SKIL: variants seen among roughly 807,000 people sequenced by gnomAD.
The protein encoded by SKIL is ski-like protein.
In SKIL, 20 loss-of-function variants were observed where a neutral mutation model predicts 69.6. The ratio of observed to expected loss-of-function variants is 0.29; its 90% CI spans 0.20 to 0.42. The LOEUF (loss-of-function observed/expected upper bound fraction) is 0.42, where lower values mean the gene tolerates loss of function less well. Ranked by LOEUF, SKIL falls within the 10% of genes least tolerant of loss-of-function variation. SKIL has a pLI of 1.00. For synonymous variants in SKIL, 310 were observed against 279.9 expected, an observed-to-expected ratio of 1.11 and a Z score of -1.08; for missense variants, 745 against 783.1, an observed-to-expected ratio of 0.95 and a Z score of 0.58.
At chr3:170,371,057 A>G (rs1444013771) in intron 2 of SKIL, among the ~76,000 whole-genome samples, 2 of 152,248 alleles carry the variant, frequency 1.3e-5, no homozygotes, top group African/African-American at 4.8e-5. Context: ...ATATAGGCCC[A>G]TTGTAGTAAA....
Position 170,359,793 on chromosome 3 carries a change from G to C in SKIL, c.-539G>C, listed in dbSNP as rs948665232. The C allele has an allele frequency of 6.6e-6, 1 of 152,242 alleles. No individual in the cohort carries two copies. Among genetic ancestry groups the C allele is most frequent in the Admixed American group, 6.6e-5 (1 of 15,264 alleles). The allele number at this position is 152,242 out of a possible 1,614,324, so 9.4% of individuals were successfully genotyped here. On this transcript the variant is annotated 5_prime_UTR_variant, in exon 2 of 7. Transcript: ENST00000259119. ...CTTACTGGTGTGAGGATTTACACAC[G>C]TCTTCAGTTTTTCAGCACAGACCAG...
At position 170,381,347 on chromosome 3, in the gene SKIL, T is replaced by G; in HGVS notation, c.1196+6T>G. The G allele has an allele frequency of 7.3e-7, 1 of 1,378,888 alleles. No individual in the cohort carries two copies. The highest frequency in any genetic ancestry group is 1.0e-6 in the Non-Finnish European group (1 of 965,514). The allele number at this position is 1,378,888 out of a possible 1,614,324, so 85.4% of individuals were successfully genotyped here. A position where few individuals can be genotyped will look rare whatever the true frequency, so the allele number is the denominator to read the frequency against. On this transcript the variant is annotated splice_donor_region_variant and intron_variant, in intron 3 of 6. Transcript: ENST00000259119. The stretch of plus-strand genomic sequence containing the variant: ...CATTCATTTTTACACCCCAGGTGAG[T>G]TGGTATTTATTTGTTCGTTTGTTCA...
At chr3:170,377,674 G>C (rs1737102659) in intron 2 of SKIL, among the ~76,000 whole-genome samples, 1 of 146,464 alleles carries the variant, frequency 6.8e-6, no homozygotes, top group Non-Finnish European at 1.5e-5. Context: ...TCAGCCTCCT[G>C]AGTAGCTGGG....
rs1176484149 is a variant in SKIL at position 170,395,471 on chromosome 3, A to C, written c.*3054A>C. 1 of 152,130 alleles carries C rather than the reference A, an allele frequency of 6.6e-6. No homozygotes were observed. The highest frequency in any genetic ancestry group is 1.5e-5 in the Non-Finnish European group (1 of 67,976). 9.4% of individuals were successfully genotyped at this position (152,130 alleles called of 1,614,324 possible). On this transcript the variant is annotated 3_prime_UTR_variant, in exon 7 of 7. Coordinates refer to ENST00000259119, the MANE Select transcript of SKIL (RefSeq NM_005414.5). ...ATAGCGAATTGTAAAGCAGCTATTA[A>C]AGTAGGTGAAATAAAGTATATATTT...
rs1737332508 is a variant in SKIL, at chr3:170,381,337, C to G, written c.1192C>G (p.Pro398Ala). 6.8e-7 allele frequency: 1 copy of G among 1,480,084 alleles called. No homozygotes were observed. Among genetic ancestry groups the G allele is most frequent in the African/African-American group, 1.4e-5 (1 of 72,174 alleles). 91.7% of individuals were successfully genotyped at this position (1,480,084 alleles called of 1,614,324 possible). The change falls in exon 3 of 7, where the codon CCC (proline) becomes GCC (alanine). Residue 398 changes from proline (P) to alanine (A), a missense_variant. Physicochemically the swap from Pro to Ala is conservative, Grantham distance 27. Coordinates refer to ENST00000259119, the MANE Select transcript of SKIL (RefSeq NM_005414.5). Reference sequence around the variant, plus strand: ...TTCTCAGACACATTCATTTTTACACCCCAGGTGAGTTGGTATTTATTTGTT... The same window carrying G: ...TTCTCAGACACATTCATTTTTACACGCCAGGTGAGTTGGTATTTATTTGTT... ...HVSQTHSFLH[P>A]SYYLYMCDKV...
At chr3:170,365,790 C>G (rs531115785) in intron 2 of SKIL, among the ~76,000 whole-genome samples, 1 of 131,256 alleles carries the variant, frequency 7.6e-6, no homozygotes, top group Non-Finnish European at 1.5e-5. Context: ...GAGTTTCGCT[C>G]TTGCGCCCAG....
chr3:170,387,775 T>A (rs1481391526), intron 4 of SKIL, among the ~76,000 whole-genome samples: 20,645 of 54,340 alleles, frequency 0.38, 3,683 homozygotes, highest in Non-Finnish European at 0.49. Flanking sequence ...AAAAAAAAAA[T>A]ACAAAAAAAT....
intron 1 of SKIL, among the ~76,000 whole-genome samples, chr3:170,359,086 A>G (rs1336201806): frequency 6.6e-6 from 1 of 152,206 alleles, no homozygotes; most frequent in Non-Finnish European, 1.5e-5. Context: ...TTAAAATGGC[A>G]TAGCTGAGAA....
intron 4 of SKIL, among the ~76,000 whole-genome samples, chr3:170,386,222 C>T (rs571529431): frequency 1.3e-5 from 2 of 150,986 alleles, no homozygotes; most frequent in South Asian, 4.2e-4. Flanking sequence ...TCTCCGCCTC[C>T]CAGGTTCAAG....
chr3:170,363,536 A>G (rs750923505), intron 2 of SKIL, among the ~76,000 whole-genome samples: 12 of 151,606 alleles, frequency 7.9e-5, no homozygotes, highest in Non-Finnish European at 1.8e-4. Context: ...CCCAGGCTAG[A>G]GCTCAGTGGC....
intron 4 of SKIL, among the ~76,000 whole-genome samples, chr3:170,386,311 G>A (rs1018045744): frequency 1.5e-4 from 23 of 151,124 alleles, no homozygotes; most frequent in Admixed American, 1.5e-3. Flanking sequence ...TGTATTTTTA[G>A]TAGACACGGG....
In SKIL at chr3:170,395,158, C is replaced by T. The variant is rs1738129873; in HGVS notation, c.*2741C>T. ...TTTGGGTGGCGATAGTTTCTGTAGGCTAAACTTTATGAGAAAAGTGTACCT... is the reference window on the plus strand; with the variant it reads ...TTTGGGTGGCGATAGTTTCTGTAGGTTAAACTTTATGAGAAAAGTGTACCT... On this transcript the variant is annotated 3_prime_UTR_variant, in exon 7 of 7. Transcript: ENST00000259119. 2 of 152,092 alleles carry T rather than the reference C, an allele frequency of 1.3e-5. No homozygotes were observed. The highest frequency in any genetic ancestry group is 2.9e-5 in the Non-Finnish European group (2 of 67,972). The allele number at this position is 152,092 out of a possible 1,614,324, so 9.4% of individuals were successfully genotyped here.
At chr3:170,375,236 G>C (rs1423705154) in intron 2 of SKIL, among the ~76,000 whole-genome samples, 2 of 152,190 alleles carry the variant, frequency 1.3e-5, no homozygotes, top group African/African-American at 4.8e-5. Context: ...CTCTTACTGG[G>C]TTGGTCAAGA....
At chr3:170,386,618 C>T (rs10936627) in intron 4 of SKIL, among the ~76,000 whole-genome samples, 116,881 of 151,930 alleles carry the variant, frequency 0.77, 45,738 homozygotes, top group East Asian at 0.94. Flanking sequence ...CAGGCATGTG[C>T]CACTGCGCCT....
chr3:170,360,020 T>C lies in SKIL; in HGVS notation c.-312T>C, dbSNP rs992748572. The C allele has an allele frequency of 9.2e-6, 2 of 218,496 alleles. No homozygotes were observed. Among genetic ancestry groups the C allele is most frequent in the African/African-American group, 2.3e-5 (1 of 43,684 alleles). The allele number at this position is 218,496 out of a possible 1,614,324, so 13.5% of individuals were successfully genotyped here. A position where few individuals can be genotyped will look rare whatever the true frequency, so the allele number is the denominator to read the frequency against. On this transcript the variant is annotated 5_prime_UTR_variant, in exon 2 of 7. Transcript: ENST00000259119. ...ACCCTGGACATCTTTAATTGAGAAA[T>C]TGGTAACTTTATTTTAATATGTATA...
In SKIL at chr3:170,360,722, C is replaced by A. The variant is rs776364482; in HGVS notation, c.391C>A (p.Pro131Thr). 6.2e-7 allele frequency: 1 copy of A among 1,614,204 alleles called. No homozygotes were observed. The highest frequency in any genetic ancestry group is 8.5e-7 in the Non-Finnish European group (1 of 1,180,030). Reference protein sequence around the residue: ...FLPLPSPQVLPGPLLIPSDSS... With the variant: ...FLPLPSPQVLTGPLLIPSDSS... ...GCCTCTTCCATCACCTCAGGTTCTTCCTGGCCCATTGCTCATCCCTTCAGA... is the reference window on the plus strand; with the variant it reads ...GCCTCTTCCATCACCTCAGGTTCTTACTGGCCCATTGCTCATCCCTTCAGA... Residue 131 changes from proline to threonine, a missense_variant, in exon 2 of 7, where the codon CCT (proline) becomes ACT (threonine). Coordinates refer to ENST00000259119, the MANE Select transcript of SKIL (RefSeq NM_005414.5).
intron 4 of SKIL, 42 bp downstream of exon 4, chr3:170,384,807 T>C: frequency 9.6e-7 from 1 of 1,038,436 alleles, no homozygotes; most frequent in South Asian, 1.6e-5. Context: ...AAATATCTAA[T>C]GAACACATTT....
intron 4 of SKIL, among the ~76,000 whole-genome samples, chr3:170,388,771 T>G (rs1266241579): frequency 6.6e-6 from 1 of 152,254 alleles, no homozygotes; most frequent in East Asian, 1.9e-4. Context: ...AAATGTTTAT[T>G]ACATCCAATT....
chr3:170,377,611 C>G (rs1270024269), intron 2 of SKIL, among the ~76,000 whole-genome samples: 1 of 140,166 alleles, frequency 7.1e-6, no homozygotes, highest in Non-Finnish European at 1.5e-5. Flanking sequence ...TGCAGTGGCA[C>G]GATCTCGGCT....
Sources: gnomAD v4.1 joint callset for allele counts (sites outside exome capture counted in the v4.1 genomes callset) on GRCh38, gnomAD v4.1.1 for gene constraint, MANE v1.5 for transcripts, NCBI Gene and HGNC (gene_info 2026-07-23, HGNC 2026-07-21) for gene names.